Variants in SNX27 observed in about 807,000 individuals in gnomAD.
SNX27 encodes the protein sorting nexin 27.
Under a neutral mutation model 71.6 loss-of-function variants are expected in SNX27, and 22 were observed. The observed-to-expected ratio is 0.31, with a 90% CI of 0.22 to 0.44. The LOEUF is 0.44. Ranked by LOEUF, SNX27 falls within the 20% of genes least tolerant of loss-of-function variation. The pLI is 1.00. For missense variants in SNX27, 531 were observed against 698.6 expected (o/e 0.76, Z 2.70); for synonymous variants, 269 against 277.2 (o/e 0.97, Z 0.29).
At chr1:151,617,304 G>T (rs544538956) in intron 1 of SNX27, among the ~76,000 whole-genome samples, 41 of 151,928 alleles carry the variant, frequency 2.7e-4, no homozygotes, top group Non-Finnish European at 5.1e-4. Flanking sequence ...TAGAGACAGC[G>T]TTTCACTCTT....
At chr1:151,656,613 G>A (rs1165305429) in intron 2 of SNX27, among the ~76,000 whole-genome samples, 3 of 152,170 alleles carry the variant, frequency 2.0e-5, no homozygotes, top group Non-Finnish European at 4.4e-5. Context: ...TTCACTCAGG[G>A]TTGTACTCAG....
chr1:151,621,817 G>C (rs1191120011), intron 1 of SNX27, among the ~76,000 whole-genome samples: 1 of 152,186 alleles, frequency 6.6e-6, no homozygotes, highest in Non-Finnish European at 1.5e-5. Context: ...GATGGCCTCT[G>C]AGAATTTTGG....
At position 151,696,071 on chromosome 1, in the gene SNX27, T is replaced by C. The variant is rs541061192; in HGVS notation, c.*1654T>C. On this transcript the variant is annotated 3_prime_UTR_variant, in exon 12 of 12. Coordinates refer to ENST00000458013, the MANE Select transcript of SNX27 (RefSeq NM_001330723.2). ...TTAGATTGGATCTCCCAAGTTTTAA[T>C]TGAAAGGAGACTGAACGAAAACCTT... 4 of 152,374 alleles carry C rather than the reference T, an allele frequency of 2.6e-5. No individual in the cohort carries two copies. In the East Asian group the frequency reaches 7.7e-4, roughly 29 times the overall value. 9.4% of individuals were successfully genotyped at this position (152,374 alleles called of 1,614,324 possible).
intron 10 of SNX27, 191 bp downstream of exon 10, chr1:151,693,230 C>T (rs1216872436): frequency 1.1e-6 from 1 of 944,896 alleles, no homozygotes. Flanking sequence ...TTTCCTATCC[C>T]ACTTGGCTCG....
chr1:151,681,260 G>A (rs1233882026), intron 7 of SNX27, among the ~76,000 whole-genome samples: 2 of 12,730 alleles, frequency 1.6e-4, no homozygotes, highest in African/African-American at 4.6e-4. Flanking sequence ...TTTTTTTTTT[G>A]CGATGGAGTC....
chr1:151,619,544 G>T (rs373568096), intron 1 of SNX27, among the ~76,000 whole-genome samples: 1 of 152,056 alleles, frequency 6.6e-6, no homozygotes, highest in African/African-American at 2.4e-5. Flanking sequence ...GAAGTGATCC[G>T]CTTGCCTCGG....
chr1:151,697,322 T>A lies in SNX27; in HGVS notation c.*2905T>A, dbSNP rs962141219. ...AGTAGTGAACAGAGCTGGGATTCCA[T>A]GCGACAGCTTGAATGCTGACCTTCA... On this transcript the variant is annotated 3_prime_UTR_variant, in exon 12 of 12. Coordinates refer to ENST00000458013, the MANE Select transcript of SNX27 (RefSeq NM_001330723.2). 1 of 152,238 alleles carries A rather than the reference T, an allele frequency of 6.6e-6. No homozygotes were observed. Among genetic ancestry groups the A allele is most frequent in the Non-Finnish European group, 1.5e-5 (1 of 68,052 alleles). The allele number at this position is 152,238 out of a possible 1,614,324, so 9.4% of individuals were successfully genotyped here. A position where few individuals can be genotyped will look rare whatever the true frequency, so the allele number is the denominator to read the frequency against.
chr1:151,614,563 C>G (rs879619931), intron 1 of SNX27: 3 of 152,128 alleles, frequency 2.0e-5, no homozygotes, highest in Non-Finnish European at 4.4e-5. Context: ...CTCAGGTGAT[C>G]CGCCCGCCTC....
Position 151,692,432 on chromosome 1 carries a change from T to TTATTAAAAAA in SNX27, c.1240-3_1240-2insTATTAAAAAA. 1 of 1,452,072 alleles carries TTATTAAAAAA rather than the reference T, an allele frequency of 6.9e-7. No homozygotes were observed. Among genetic ancestry groups the TTATTAAAAAA allele is most frequent in the Non-Finnish European group, 9.1e-7 (1 of 1,101,930 alleles). The allele number at this position is 1,452,072 out of a possible 1,614,324, so 89.9% of individuals were successfully genotyped here. A position where few individuals can be genotyped will look rare whatever the true frequency, so the allele number is the denominator to read the frequency against. On this transcript the variant is annotated splice_polypyrimidine_tract_variant and splice_region_variant and intron_variant, in intron 8 of 11. Coordinates refer to ENST00000458013, the MANE Select transcript of SNX27 (RefSeq NM_001330723.2). Reference sequence around the variant, plus strand: ...TTTTTTTTTTTTTTTTTTTTTTTTTTAGTACCTCAACATGCTAAGGACTTG... The same window carrying TTATTAAAAAA: ...TTTTTTTTTTTTTTTTTTTTTTTTTTTATTAAAAAAAGTACCTCAACATGCTAAGGACTTG...
intron 10 of SNX27, 107 bp downstream of exon 10, chr1:151,693,146 G>A (rs1671537001): frequency 7.5e-6 from 11 of 1,463,950 alleles, no homozygotes; most frequent in Non-Finnish European, 9.3e-6. Context: ...GTTGTCTTGA[G>A]ATCCGAACCT....
At chr1:151,658,475 A>G (rs1669800189) in intron 3 of SNX27, 48 bp downstream of exon 3, 1 of 1,549,332 alleles carries the variant, frequency 6.5e-7, no homozygotes, top group Non-Finnish European at 8.8e-7. Flanking sequence ...CGTAGGTTCT[A>G]GATATGCAAC....
At chr1:151,693,331 G>T in intron 10 of SNX27, 93 bp from the exon 11 acceptor site, 4 of 1,280,930 alleles carry the variant, frequency 3.1e-6, no homozygotes, top group Non-Finnish European at 4.5e-6. Flanking sequence ...ACTGAGTTTG[G>T]AAGATGGGAT....
chr1:151,650,171 G>A (rs1314077579), intron 2 of SNX27, among the ~76,000 whole-genome samples: 11 of 151,882 alleles, frequency 7.2e-5, no homozygotes, highest in Non-Finnish European at 1.2e-4. Context: ...TACAGGTGTC[G>A]GCCACCGCAC....
chr1:151,613,096 CCCTCT>C (rs1667267060), intron 1 of SNX27: 1 of 152,478 alleles, frequency 6.6e-6, no homozygotes, highest in African/African-American at 2.4e-5. Flanking sequence ...TCCTTAGTTA[CCCTCT>C]CCTCATGGTT....
chr1:151,627,921 AATAATAC>A (rs1410536487), intron 1 of SNX27, among the ~76,000 whole-genome samples: 1 of 152,008 alleles, frequency 6.6e-6, no homozygotes, highest in African/African-American at 2.4e-5. Flanking sequence ...ATATAATTGG[AATAATAC>A]ATATATAGTA....
chr1:151,652,332 G>T (rs1332187170), intron 2 of SNX27, among the ~76,000 whole-genome samples: 1 of 150,960 alleles, frequency 6.6e-6, no homozygotes. Flanking sequence ...TAAGTTTGCT[G>T]ATTTTTTCCT....
intron 7 of SNX27, chr1:151,677,960 C>A (rs1210713584): frequency 1.3e-5 from 2 of 152,018 alleles, no homozygotes; most frequent in Non-Finnish European, 2.9e-5. Context: ...TTTTAAATTT[C>A]TAAGCCATTT....
chr1:151,627,126 A>G (rs947258491), intron 1 of SNX27, among the ~76,000 whole-genome samples: 1 of 152,212 alleles, frequency 6.6e-6, no homozygotes, highest in Non-Finnish European at 1.5e-5. Flanking sequence ...TTCTCTATGT[A>G]ACCCTCTGTA....
At chr1:151,661,008 T>A in intron 4 of SNX27, 146 bp downstream of exon 4, 1 of 622,022 alleles carries the variant, frequency 1.6e-6, no homozygotes. Context: ...GTATCCTACT[T>A]ATCTATCCTT....
Sources: gnomAD v4.1 joint callset for allele counts (sites outside exome capture counted in the v4.1 genomes callset) on GRCh38, gnomAD v4.1.1 for gene constraint, MANE v1.5 for transcripts, NCBI Gene and HGNC (gene_info 2026-07-23, HGNC 2026-07-21) for gene names.